Variants in SORBS2 observed in about 807,000 individuals in gnomAD.
SORBS2 encodes the protein sorbin and SH3 domain-containing protein 2.
In SORBS2, 46 loss-of-function variants were observed where a neutral mutation model predicts 97.7. That is an observed-to-expected ratio of 0.47 (90% CI 0.37 to 0.60). SORBS2 has a LOEUF of 0.60. SORBS2 is among the 20% of genes least tolerant of loss of function. SORBS2 has a pLI of 0.00. For synonymous variants in SORBS2, 476 were observed against 473.4 expected (o/e 1.01, Z -0.07); for missense variants, 1,316 against 1,282.3 (o/e 1.03, Z -0.40).
chr4:185,836,075 G>A lies in SORBS2; in HGVS notation c.-337-60709C>T, dbSNP rs116266425. 6.2e-3 allele frequency among the ~76,000 whole-genome samples: 951 copies of A among 152,174 alleles called. 6 individuals carry two copies. Among genetic ancestry groups the A allele is most frequent in the African/African-American group, 0.022 (902 of 41,498 alleles). Reference sequence around the variant, plus strand: ...ATTGCTGGGGAACCCAAATACGAATGTAATAAACGATGACCCAGAGCTCCA... The same window carrying A: ...ATTGCTGGGGAACCCAAATACGAATATAATAAACGATGACCCAGAGCTCCA... On this transcript the variant is annotated intron_variant, in intron 1 of 20. Coordinates refer to the SORBS2 transcript ENST00000284776.
At chr4:185,854,218 A>T (rs938903960) in intron 1 of SORBS2, among the ~76,000 whole-genome samples, 1 of 152,160 alleles carries the variant, frequency 6.6e-6, no homozygotes, top group Admixed American at 6.5e-5. Flanking sequence ...GCAGGGACAA[A>T]TTCACAGGAA....
At chr4:185,834,480 T>C (rs796432341) in intron 1 of SORBS2, among the ~76,000 whole-genome samples, 20 of 152,334 alleles carry the variant, frequency 1.3e-4, no homozygotes, top group African/African-American at 4.6e-4. Flanking sequence ...TACCTACTCT[T>C]GAAAAGTTTA....
intron 1 of SORBS2, chr4:185,919,408 A>G (rs1012968654): frequency 6.6e-5 from 10 of 152,198 alleles, no homozygotes; most frequent in Non-Finnish European, 1.3e-4. Flanking sequence ...TCAAGTCTCC[A>G]TCTTAGCCAT....
intron 4 of SORBS2, among the ~76,000 whole-genome samples, 199 bp downstream of exon 7, chr4:185,678,224 A>AAAACC (rs1187122690): frequency 6.6e-6 from 1 of 152,248 alleles, no homozygotes; most frequent in African/African-American, 2.4e-5. Context: ...AATCAGAAAC[A>AAAACC]AAACCAAACC....
chr4:185,635,102 C>T (rs1454582883), intron 4 of SORBS2, among the ~76,000 whole-genome samples: 2 of 151,972 alleles, frequency 1.3e-5, no homozygotes, highest in African/African-American at 4.8e-5. Context: ...TGCTGAATAC[C>T]AGAACTACAT....
intron 1 of SORBS2, among the ~76,000 whole-genome samples, chr4:185,800,089 G>A (rs529958458): frequency 3.9e-5 from 6 of 152,276 alleles, no homozygotes; most frequent in African/African-American, 1.4e-4. Flanking sequence ...AGCTGCTCAG[G>A]AGGCTGAGGC....
At chr4:185,908,060 C>A (rs1204450179) in intron 1 of SORBS2, among the ~76,000 whole-genome samples, 1 of 151,848 alleles carries the variant, frequency 6.6e-6, no homozygotes, top group Non-Finnish European at 1.5e-5. Context: ...AGCTCCTCAC[C>A]ACTACCATGC....
chr4:185,852,130 A>T (rs533251438), intron 1 of SORBS2, among the ~76,000 whole-genome samples: 2 of 152,326 alleles, frequency 1.3e-5, no homozygotes, highest in East Asian at 3.9e-4. Context: ...ACAAAAATCC[A>T]TGGAGTCAAC....
intron 1 of SORBS2, among the ~76,000 whole-genome samples, chr4:185,880,296 G>A (rs2099236197): frequency 6.6e-6 from 1 of 152,202 alleles, no homozygotes; most frequent in East Asian, 1.9e-4. Flanking sequence ...ATTTTGTTAT[G>A]CTGGCTTCTG....
chr4:185,806,783 G>A (rs954025738), intron 1 of SORBS2, among the ~76,000 whole-genome samples: 12 of 152,162 alleles, frequency 7.9e-5, no homozygotes, highest in African/African-American at 2.9e-4. Flanking sequence ...GCTATAGTTT[G>A]TTGGACTCCT....
At chr4:185,707,666 T>C (rs945456086) in intron 2 of SORBS2, among the ~76,000 whole-genome samples, 1 of 152,156 alleles carries the variant, frequency 6.6e-6, no homozygotes, top group South Asian at 2.1e-4. Flanking sequence ...GGGTAATTTA[T>C]AAAGGAAAGA....
At chr4:185,647,185 G>A (rs1382932208) in intron 3 of SORBS2, among the ~76,000 whole-genome samples, 1 of 152,124 alleles carries the variant, frequency 6.6e-6, no homozygotes, top group African/African-American at 2.4e-5. Flanking sequence ...GAGCACAGAA[G>A]TGTCATGTGG....
At chr4:185,681,876 T>C (rs556794479) in intron 2 of SORBS2, among the ~76,000 whole-genome samples, 1 of 152,326 alleles carries the variant, frequency 6.6e-6, no homozygotes, top group African/African-American at 2.4e-5. Context: ...TAATCTCTAC[T>C]CTCAGGTTTT....
In SORBS2 at chr4:185,904,490, T is replaced by A. The variant is rs956118928; in HGVS notation, c.-338+51706A>T. Reference sequence around the variant, plus strand: ...CTCTCTGTAAGAACGGTAAAAAGCCTCCCTGCCTGTGGTACTTGGCCTGTA... The same window carrying A: ...CTCTCTGTAAGAACGGTAAAAAGCCACCCTGCCTGTGGTACTTGGCCTGTA... On this transcript the variant is annotated intron_variant, in intron 1 of 20. Transcript: ENST00000284776. Among the ~76,000 whole-genome samples the A allele has an allele frequency of 2.6e-5, 4 of 152,228 alleles. No individual in the cohort carries two copies. The South Asian group carries it at 8.3e-4, about 32-fold the overall frequency.
chr4:185,900,222 A>G (rs1225600688), intron 1 of SORBS2, among the ~76,000 whole-genome samples: 1 of 152,240 alleles, frequency 6.6e-6, no homozygotes, highest in Non-Finnish European at 1.5e-5. Context: ...AGTGAAGTAC[A>G]TAGGACAAAT....
At chr4:185,669,258 C>T (rs148312689) in intron 4 of SORBS2, among the ~76,000 whole-genome samples, 12 of 152,246 alleles carry the variant, frequency 7.9e-5, no homozygotes, top group Admixed American at 2.0e-4. Flanking sequence ...AAATCAAGCC[C>T]GTGTTGGATG....
Position 185,741,404 on chromosome 4 carries a change from GT to G in SORBS2, c.-198+33822del, listed in dbSNP as rs58376567. ...TCTTTCTTTCTTTTCTTTTTTTTTT[GT>G]TTTTTTTTTTTTTTTTGAGGGGGAG... is the stretch of plus-strand genomic sequence containing the variant. On this transcript the variant is annotated intron_variant, in intron 2 of 20. Coordinates refer to the SORBS2 transcript ENST00000284776. Among the ~76,000 whole-genome samples the G allele has an allele frequency of 5.6e-3, 629 of 111,630 alleles. 2 individuals carry two copies. The highest frequency in any genetic ancestry group is 0.034 in the East Asian group (130 of 3,854). 73.2% of individuals were successfully genotyped at this position (111,630 alleles called of 152,430 possible).
intron 2 of SORBS2, among the ~76,000 whole-genome samples, chr4:185,761,189 C>T (rs755065216): frequency 2.0e-5 from 3 of 152,202 alleles, no homozygotes; most frequent in Non-Finnish European, 4.4e-5. Flanking sequence ...TTCATAGCTG[C>T]CATCAGTAAT....
chr4:185,947,886 C>T (rs1333533542), intron 1 of SORBS2, among the ~76,000 whole-genome samples: 1 of 152,146 alleles, frequency 6.6e-6, no homozygotes, highest in Non-Finnish European at 1.5e-5. Flanking sequence ...GCTGGGATTA[C>T]AGGCGTGAGC....
Sources: allele counts gnomAD v4.1 joint callset (sites outside exome capture counted in the v4.1 genomes callset), GRCh38; gene constraint gnomAD v4.1.1; transcripts MANE v1.5; gene names NCBI Gene and HGNC (gene_info 2026-07-23, HGNC 2026-07-21).